ARMH3: variants seen among roughly 807,000 people sequenced by gnomAD.
ARMH3 encodes the protein armadillo like helical domain containing 3.
A neutral mutation model predicts 99.1 loss-of-function variants in ARMH3; 60 were observed. The observed-to-expected ratio is 0.61, with a 90% CI of 0.49 to 0.75. The LOEUF (loss-of-function observed/expected upper bound fraction) is 0.75, where lower values mean the gene tolerates loss of function less well. Ranked by LOEUF, ARMH3 falls within the 30% of genes least tolerant of loss-of-function variation. The pLI is 0.00. For synonymous variants in ARMH3, 285 were observed against 292.8 expected, an observed-to-expected ratio of 0.97 and a Z score of 0.27; for missense variants, 679 against 843.1, an observed-to-expected ratio of 0.81 and a Z score of 2.41.
intron 20 of ARMH3, among the ~76,000 whole-genome samples, chr10:101,973,814 G>C (rs1343925952): frequency 6.6e-6 from 1 of 152,210 alleles, no homozygotes; most frequent in Non-Finnish European, 1.5e-5. Flanking sequence ...ACTACAATGT[G>C]TAATTTCATT....
intron 20 of ARMH3, among the ~76,000 whole-genome samples, chr10:101,968,646 GC>G (rs1357059495): frequency 1.3e-5 from 2 of 152,182 alleles, no homozygotes; most frequent in Admixed American, 6.5e-5. Flanking sequence ...TCTTTTGGGG[GC>G]TTTTACGTGG....
At chr10:101,905,393 T>C (rs1468122412) in intron 23 of ARMH3, among the ~76,000 whole-genome samples, 1 of 152,164 alleles carries the variant, frequency 6.6e-6, no homozygotes, top group Non-Finnish European at 1.5e-5. Flanking sequence ...GACAGACATG[T>C]AAACAACCAT....
At chr10:102,012,931 T>G in intron 9 of ARMH3, 55 bp from the exon 10 acceptor site, 2 of 1,477,516 alleles carry the variant, frequency 1.4e-6, no homozygotes, top group South Asian at 1.3e-5. Context: ...TGGGAGTTGG[T>G]GATGATGCTA....
intron 23 of ARMH3, among the ~76,000 whole-genome samples, chr10:101,916,135 T>C (rs564630212): frequency 3.5e-4 from 53 of 152,012 alleles, no homozygotes; most frequent in African/African-American, 1.2e-3. Context: ...AGTTCAACAG[T>C]AGTAGGGCCC....
At chr10:101,847,698 G>T in intron 25 of ARMH3, 78 bp from the exon 26 acceptor site, 1 of 1,300,534 alleles carries the variant, frequency 7.7e-7, no homozygotes, top group Non-Finnish European at 1.1e-6. Context: ...AAACGGCAGA[G>T]GACAGTGCCT....
intron 23 of ARMH3, among the ~76,000 whole-genome samples, chr10:101,923,847 T>C (rs1843397582): frequency 6.6e-6 from 1 of 152,236 alleles, no homozygotes; most frequent in Admixed American, 6.5e-5. Context: ...AGAGTCTTAT[T>C]TTTCTAGTCT....
At chr10:101,916,344 C>T (rs1843085427) in intron 23 of ARMH3, among the ~76,000 whole-genome samples, 1 of 151,970 alleles carries the variant, frequency 6.6e-6, no homozygotes, top group Non-Finnish European at 1.5e-5. Context: ...TAAGGAAAAC[C>T]ATCAGCAACC....
chr10:101,990,471 TAC>T, intron 19 of ARMH3, 78 bp downstream of exon 19: 6 of 1,208,104 alleles, frequency 5.0e-6, no homozygotes, highest in Non-Finnish European at 7.2e-6. Context: ...GCGCCCGGCC[TAC>T]ACAGACCATG....
At chr10:101,857,232 C>T (rs534621282) in intron 24 of ARMH3, among the ~76,000 whole-genome samples, 3 of 152,170 alleles carry the variant, frequency 2.0e-5, no homozygotes, top group Non-Finnish European at 4.4e-5. Flanking sequence ...CCGAGGTGGG[C>T]GGATCACTTG....
intron 22 of ARMH3, among the ~76,000 whole-genome samples, chr10:101,948,632 G>A (rs2135763524): frequency 6.6e-6 from 1 of 151,880 alleles, no homozygotes; most frequent in East Asian, 1.9e-4. Context: ...ACCAAAAGGG[G>A]AAAACAGACA....
At chr10:101,893,594 T>C (rs1182782693) in intron 23 of ARMH3, among the ~76,000 whole-genome samples, 1 of 151,974 alleles carries the variant, frequency 6.6e-6, no homozygotes, top group African/African-American at 2.4e-5. Context: ...GGAATGGAAT[T>C]GCTGGGGATC....
At chr10:102,035,968 T>C (rs1373887188) in intron 2 of ARMH3, among the ~76,000 whole-genome samples, 4 of 150,820 alleles carry the variant, frequency 2.7e-5, no homozygotes, top group African/African-American at 7.4e-5. Flanking sequence ...GGAGCGTCTC[T>C]GCCCAGCCGC....
intron 21 of ARMH3, among the ~76,000 whole-genome samples, 158 bp downstream of exon 21, chr10:101,957,492 G>C (rs1256708116): frequency 6.6e-6 from 1 of 152,188 alleles, no homozygotes; most frequent in Non-Finnish European, 1.5e-5. Context: ...ACATAGGTGA[G>C]AGTGGGGACC....
chr10:101,883,847 G>T (rs1314366557), intron 24 of ARMH3, among the ~76,000 whole-genome samples: 1 of 151,906 alleles, frequency 6.6e-6, no homozygotes, highest in Non-Finnish European at 1.5e-5. Context: ...TAAAAAATTA[G>T]CCAGGCATGG....
chr10:101,970,016 C>G (rs1845699970), intron 20 of ARMH3, among the ~76,000 whole-genome samples: 1 of 152,104 alleles, frequency 6.6e-6, no homozygotes, highest in African/African-American at 2.4e-5. Context: ...TTAAAACAAC[C>G]CATGTTTTCA....
intron 20 of ARMH3, among the ~76,000 whole-genome samples, chr10:101,968,120 C>T (rs1478763079): frequency 2.6e-5 from 4 of 152,044 alleles, no homozygotes; most frequent in Non-Finnish European, 5.9e-5. Flanking sequence ...TCACAATTAG[C>T]ACCCAGCCTC....
At position 101,957,750 on chromosome 10, in the gene ARMH3, A is replaced by AG; in HGVS notation, c.1496-19_1496-18insC. The AG allele has an allele frequency of 6.4e-7, 1 of 1,563,602 alleles. No individual in the cohort carries two copies. The highest frequency in any genetic ancestry group is 8.6e-7 in the Non-Finnish European group (1 of 1,160,972). On this transcript the variant is annotated intron_variant, in intron 20 of 25. Transcript: ENST00000370033. ...TATCAAGGCTTTAAAAAAAAAAAAA[A>AG]AGACATCAACAAGCTATTCAAACCA... is the stretch of plus-strand genomic sequence containing the variant.
At chr10:102,038,078 A>C (rs1352711388) in intron 2 of ARMH3, among the ~76,000 whole-genome samples, 1 of 151,812 alleles carries the variant, frequency 6.6e-6, no homozygotes, top group East Asian at 1.9e-4. Context: ...TTGCGTAAAA[A>C]AGAAAGAATC....
chr10:102,046,787 C>T (rs867942866), intron 1 of ARMH3, among the ~76,000 whole-genome samples: 23 of 152,130 alleles, frequency 1.5e-4, no homozygotes, highest in African/African-American at 5.3e-4. Flanking sequence ...GAGGAATGAG[C>T]AGGAGCAGAG....
Sources: allele counts gnomAD v4.1 joint callset (sites outside exome capture counted in the v4.1 genomes callset), GRCh38; gene constraint gnomAD v4.1.1; transcripts MANE v1.5; gene names NCBI Gene and HGNC (gene_info 2026-07-23, HGNC 2026-07-21).